NPSR1: variants seen among roughly 807,000 people sequenced by gnomAD.
The protein encoded by NPSR1 is neuropeptide S receptor.
In NPSR1, 48 loss-of-function variants were observed where a neutral mutation model predicts 46.9. The ratio of observed to expected loss-of-function variants is 1.02; its 90% CI spans 0.81 to 1.30. The LOEUF (loss-of-function observed/expected upper bound fraction) is 1.30. NPSR1 is among the 50% of genes most tolerant of loss of function. The pLI is 0.00. For synonymous variants in NPSR1, 176 were observed against 168.1 expected, an observed-to-expected ratio of 1.05 and a Z score of -0.36; for missense variants, 450 against 449.5, an observed-to-expected ratio of 1.00 and a Z score of -0.01.
At chr7:34,863,237 C>T (rs1584154266) in intron 8 of NPSR1, among the ~76,000 whole-genome samples, 2 of 151,696 alleles carry the variant, frequency 1.3e-5, no homozygotes, top group Admixed American at 1.3e-4. Flanking sequence ...AACTCAAGAT[C>T]GATTAAAGCC....
At position 34,827,615 on chromosome 7, in the gene NPSR1, C is replaced by A; in HGVS notation, c.680+13C>A. ...TGACAATCATCAGGTAAGAAGCCGT[C>A]AGGACAGGACCACACGGGGGGGTGG... On this transcript the variant is annotated intron_variant, in intron 5 of 8. Coordinates refer to ENST00000360581, the MANE Select transcript of NPSR1 (RefSeq NM_207172.2). The A allele has an allele frequency of 8.6e-7, 1 of 1,160,932 alleles. No homozygotes were observed. Among genetic ancestry groups the A allele is most frequent in the South Asian group, 1.2e-5 (1 of 81,122 alleles). 71.9% of individuals were successfully genotyped at this position (1,160,932 alleles called of 1,614,324 possible).
chr7:34,827,939 A>G (rs1446684435), intron 5 of NPSR1, among the ~76,000 whole-genome samples: 2 of 152,236 alleles, frequency 1.3e-5, no homozygotes, highest in Non-Finnish European at 2.9e-5. Flanking sequence ...GTGATTAAGT[A>G]ACTTATTCAA....
chr7:34,713,916 G>T (rs1783425376), intron 2 of NPSR1, among the ~76,000 whole-genome samples: 1 of 152,266 alleles, frequency 6.6e-6, no homozygotes, highest in African/African-American at 2.4e-5. Flanking sequence ...ATGTGTCCTT[G>T]TTCTGGTTAT....
At chr7:34,863,983 C>G (rs977867324) in intron 8 of NPSR1, among the ~76,000 whole-genome samples, 2 of 151,740 alleles carry the variant, frequency 1.3e-5, no homozygotes, top group African/African-American at 4.9e-5. Flanking sequence ...CCCAAATGTC[C>G]ATCAATAGAC....
chr7:34,712,867 C>A (rs1250461100), intron 2 of NPSR1, among the ~76,000 whole-genome samples: 1 of 152,180 alleles, frequency 6.6e-6, no homozygotes, highest in Non-Finnish European at 1.5e-5. Flanking sequence ...GCCCTGATAG[C>A]CACGTGCTCA....
downstream of NPSR1, among the ~76,000 whole-genome samples, chr7:34,851,564 G>A (rs1379685413): frequency 6.6e-6 from 1 of 152,178 alleles, no homozygotes; most frequent in Non-Finnish European, 1.5e-5. Flanking sequence ...TTTAAATCAA[G>A]ATGTGCCACA....
intron 4 of NPSR1, among the ~76,000 whole-genome samples, chr7:34,812,201 T>C (rs1201571480): frequency 2.6e-5 from 4 of 152,284 alleles, no homozygotes; most frequent in Middle Eastern, 3.4e-3. Context: ...TTGACATGCA[T>C]ACCTGTCCAA....
downstream of NPSR1, among the ~76,000 whole-genome samples, chr7:34,852,302 G>A (rs1157039405): frequency 1.3e-5 from 2 of 151,302 alleles, no homozygotes; most frequent in African/African-American, 4.9e-5. Flanking sequence ...TCCGTCTCAA[G>A]GAAAGAGAGA....
chr7:34,668,378 A>G (rs1300821004), intron 1 of NPSR1, among the ~76,000 whole-genome samples: 1 of 152,192 alleles, frequency 6.6e-6, no homozygotes, highest in Non-Finnish European at 1.5e-5. Context: ...TCCTTTTCCA[A>G]TGTATTTAGT....
chr7:34,765,965 C>T (rs993369113), intron 2 of NPSR1, among the ~76,000 whole-genome samples: 4 of 152,130 alleles, frequency 2.6e-5, no homozygotes, highest in African/African-American at 4.8e-5. Flanking sequence ...TGGGATCAAT[C>T]GTACCCCAAA....
chr7:34,738,756 A>T (rs944036985), intron 2 of NPSR1, among the ~76,000 whole-genome samples: 2 of 152,168 alleles, frequency 1.3e-5, no homozygotes, highest in African/African-American at 4.8e-5. Context: ...TAAAATTTAT[A>T]TAACATATCA....
At chr7:34,865,215 T>C (rs1201829197) in intron 8 of NPSR1, among the ~76,000 whole-genome samples, 1 of 151,852 alleles carries the variant, frequency 6.6e-6, no homozygotes, top group Non-Finnish European at 1.5e-5. Flanking sequence ...GAAACAAACA[T>C]TTATTTTTGC....
chr7:34,703,615 A>G (rs1287196157), intron 2 of NPSR1, among the ~76,000 whole-genome samples: 1 of 152,110 alleles, frequency 6.6e-6, no homozygotes, highest in Non-Finnish European at 1.5e-5. Flanking sequence ...TCAAAAAAAA[A>G]TCTTAACTAA....
At chr7:34,692,066 G>A (rs193243587) in intron 2 of NPSR1, among the ~76,000 whole-genome samples, 61 of 152,256 alleles carry the variant, frequency 4.0e-4, no homozygotes, top group African/African-American at 1.4e-3. Flanking sequence ...AGGAGTTTGA[G>A]GTTACAGTAA....
intron 6 of NPSR1, among the ~76,000 whole-genome samples, chr7:34,840,834 G>C (rs1426738946): frequency 6.6e-6 from 1 of 152,160 alleles, no homozygotes; most frequent in Non-Finnish European, 1.5e-5. Context: ...GCGGTGGCCT[G>C]GGTGGATCCT....
intron 3 of NPSR1, among the ~76,000 whole-genome samples, chr7:34,798,757 G>T (rs1019485898): frequency 1.3e-5 from 2 of 152,002 alleles, no homozygotes; most frequent in African/African-American, 4.8e-5. Flanking sequence ...TAAAAAAATA[G>T]AAATTACACA....
At chr7:34,712,738 G>T (rs956125125) in intron 2 of NPSR1, among the ~76,000 whole-genome samples, 1 of 152,150 alleles carries the variant, frequency 6.6e-6, no homozygotes, top group African/African-American at 2.4e-5. Context: ...GGTTTAAAAA[G>T]GCTACTTAAT....
At chr7:34,696,297 T>C (rs1793525964) in intron 2 of NPSR1, among the ~76,000 whole-genome samples, 1 of 151,998 alleles carries the variant, frequency 6.6e-6, no homozygotes, top group South Asian at 2.1e-4. Flanking sequence ...TAATAGACAC[T>C]AGGGACTCCA....
At chr7:34,716,679 T>A (rs965520048) in intron 2 of NPSR1, among the ~76,000 whole-genome samples, 16 of 152,162 alleles carry the variant, frequency 1.1e-4, no homozygotes, top group Non-Finnish European at 2.4e-4. Context: ...ATCACCAGGT[T>A]TTTTTAAACC....
Sources: allele counts gnomAD v4.1 joint callset (sites outside exome capture counted in the v4.1 genomes callset), GRCh38; gene constraint gnomAD v4.1.1; transcripts MANE v1.5; gene names NCBI Gene and HGNC (gene_info 2026-07-23, HGNC 2026-07-21).